CTNNA2: variants seen among roughly 807,000 people sequenced by gnomAD.
CTNNA2 encodes the protein catenin alpha 2.
CTNNA2 carries 42 observed loss-of-function variants against 101.0 expected under a neutral mutation model. The ratio of observed to expected loss-of-function variants is 0.42; its 90% CI spans 0.32 to 0.54. The LOEUF is 0.54. CTNNA2 is among the 20% of genes least tolerant of loss of function. CTNNA2 has a pLI of 0.14. For missense variants in CTNNA2, 871 were observed against 1,223.1 expected, an observed-to-expected ratio of 0.71 and a Z score of 4.29; for synonymous variants, 450 against 456.4, an observed-to-expected ratio of 0.99 and a Z score of 0.18.
At chr2:79,334,744 G>C (rs574336297) in intron 3 of CTNNA2, among the ~76,000 whole-genome samples, 1 of 152,266 alleles carries the variant, frequency 6.6e-6, no homozygotes, top group East Asian at 1.9e-4. Flanking sequence ...CTGGCAAGGA[G>C]AGAACTGATA....
chr2:80,221,900 G>T (rs1299148327), intron 7 of CTNNA2, among the ~76,000 whole-genome samples: 1 of 152,146 alleles, frequency 6.6e-6, no homozygotes, highest in African/African-American at 2.4e-5. Flanking sequence ...AGGTTTAATT[G>T]CCTCCAGTTG....
At chr2:80,083,073 CCTT>C (rs1188420359) in intron 7 of CTNNA2, among the ~76,000 whole-genome samples, 2 of 152,198 alleles carry the variant, frequency 1.3e-5, no homozygotes, top group East Asian at 1.9e-4. Flanking sequence ...TTACCTCCCT[CCTT>C]CTGTTCTCAT....
chr2:79,973,866 T>A (rs1558689727), intron 7 of CTNNA2, among the ~76,000 whole-genome samples: 3 of 152,190 alleles, frequency 2.0e-5, no homozygotes, highest in Non-Finnish European at 4.4e-5. Context: ...TACCTGATAG[T>A]CCAGAAGTTC....
At chr2:79,250,626 C>T (rs1207940034) in intron 2 of CTNNA2, among the ~76,000 whole-genome samples, 2 of 152,148 alleles carry the variant, frequency 1.3e-5, no homozygotes. Flanking sequence ...TGAGGAGTCT[C>T]TGGGATATCT....
intron 4 of CTNNA2, among the ~76,000 whole-genome samples, chr2:79,383,665 T>C (rs1678064437): frequency 6.6e-6 from 1 of 152,194 alleles, no homozygotes; most frequent in Non-Finnish European, 1.5e-5. Flanking sequence ...TGCCGAGCCC[T>C]AGGTGGTTTT....
chr2:79,776,210 T>A (rs1002474385), intron 3 of CTNNA2, among the ~76,000 whole-genome samples: 3 of 152,126 alleles, frequency 2.0e-5, no homozygotes, highest in African/African-American at 7.2e-5. Context: ...TTTGTTTATG[T>A]TGTTTGTATA....
chr2:79,536,737 A>G (rs1673097023), intron 1 of CTNNA2, among the ~76,000 whole-genome samples: 1 of 143,186 alleles, frequency 7.0e-6, no homozygotes, highest in Admixed American at 7.0e-5. Flanking sequence ...TTGCTCTGTC[A>G]CCAAGGCTGG....
At chr2:79,506,382 AT>A (rs1671414558) in intron 5 of CTNNA2, among the ~76,000 whole-genome samples, 1 of 152,096 alleles carries the variant, frequency 6.6e-6, no homozygotes, top group African/African-American at 2.4e-5. Context: ...ATACAAAGGA[AT>A]TGTTTCTCTT....
intron 7 of CTNNA2, among the ~76,000 whole-genome samples, chr2:79,986,782 A>T (rs1558702410): frequency 6.6e-6 from 1 of 152,210 alleles, no homozygotes; most frequent in Non-Finnish European, 1.5e-5. Flanking sequence ...TTAGATGGAT[A>T]AGATGGGGTA....
At chr2:79,820,797 A>G (rs1677938748) in intron 3 of CTNNA2, among the ~76,000 whole-genome samples, 1 of 152,218 alleles carries the variant, frequency 6.6e-6, no homozygotes, top group South Asian at 2.1e-4. Flanking sequence ...TTAGCTGCAG[A>G]TCTGAAATTT....
chr2:80,491,507 G>A (rs1055073739), intron 9 of CTNNA2, among the ~76,000 whole-genome samples: 3 of 152,172 alleles, frequency 2.0e-5, no homozygotes, highest in Non-Finnish European at 4.4e-5. Flanking sequence ...AATGACTTTT[G>A]CTAATATAAT....
intron 2 of CTNNA2, among the ~76,000 whole-genome samples, chr2:79,728,701 G>T (rs193271020): frequency 1.3e-5 from 2 of 152,174 alleles, no homozygotes; most frequent in African/African-American, 4.8e-5. Flanking sequence ...GGGTTTTTGT[G>T]GTTTTAGGTC....
intron 12 of CTNNA2, among the ~76,000 whole-genome samples, chr2:80,565,954 C>T (rs1694022124): frequency 6.6e-6 from 1 of 152,072 alleles, no homozygotes; most frequent in East Asian, 1.9e-4. Flanking sequence ...TATCAAGATT[C>T]ATTTACACAT....
chr2:80,031,622 G>A (rs931798847), intron 7 of CTNNA2, among the ~76,000 whole-genome samples: 23 of 152,122 alleles, frequency 1.5e-4, no homozygotes, highest in South Asian at 4.1e-4. Flanking sequence ...TTGGGGACAC[G>A]GCCAAACTAT....
At chr2:79,978,316 G>A (rs560572643) in intron 7 of CTNNA2, among the ~76,000 whole-genome samples, 8 of 152,166 alleles carry the variant, frequency 5.3e-5, no homozygotes, top group East Asian at 3.9e-4. Context: ...TTTCGACATC[G>A]GCCACCCTTC....
At chr2:80,305,402 A>G (rs2149215328) in intron 7 of CTNNA2, 1 of 982,088 alleles carries the variant, frequency 1.0e-6, no homozygotes, top group Non-Finnish European at 1.2e-6. Context: ...TGGGGTACAG[A>G]GTGGATTAAA....
intron 9 of CTNNA2, among the ~76,000 whole-genome samples, chr2:80,491,916 G>C (rs1485221147): frequency 6.6e-6 from 1 of 152,100 alleles, no homozygotes; most frequent in Non-Finnish European, 1.5e-5. Context: ...GATTATTCCA[G>C]AGCCACCTGG....
chr2:79,220,229 A>G (rs754419448), intron 2 of CTNNA2, among the ~76,000 whole-genome samples: 16 of 152,054 alleles, frequency 1.1e-4, no homozygotes, highest in Non-Finnish European at 2.2e-4. Flanking sequence ...TATTGAATAG[A>G]TGAGTTCTGA....
intron 1 of CTNNA2, among the ~76,000 whole-genome samples, chr2:79,536,574 A>AGTGTGTGTGTGTGTGTGTGTGT (rs61029469): frequency 6.8e-6 from 1 of 146,712 alleles, no homozygotes; most frequent in Non-Finnish European, 1.5e-5. Flanking sequence ...TCTCTAAAGA[A>AGTGTGTGTGTGTGTGTGTGTGT]GTGTGTGTGT....
Sources: allele counts gnomAD v4.1 joint callset (sites outside exome capture counted in the v4.1 genomes callset), GRCh38; gene constraint gnomAD v4.1.1; transcripts MANE v1.5; gene names NCBI Gene and HGNC (gene_info 2026-07-23, HGNC 2026-07-21).